Variants in MAST4 observed in about 807,000 individuals in gnomAD.
MAST4 encodes the protein microtubule associated serine/threonine kinase family member 4, also known as microtubule-associated serine/threonine-protein kinase 4.
MAST4 carries 89 observed loss-of-function variants against 162.7 expected under a neutral mutation model. The ratio of observed to expected loss-of-function variants is 0.55; its 90% confidence interval spans 0.46 to 0.65. The LOEUF is 0.65. MAST4 is among the 30% of genes least tolerant of loss of function. The probability of loss-of-function intolerance (pLI) is 0.00; values close to 1 mark genes in which losing one functional copy is unlikely to be tolerated. For missense variants in MAST4, 3,153 were observed against 3,374.0 expected (o/e 0.93, Z 1.62); for synonymous variants, 1,479 against 1,361.1 (o/e 1.09, Z -1.91).
At chr5:66,854,813 C>T (rs773187733) in intron 3 of MAST4, among the ~76,000 whole-genome samples, 1 of 152,002 alleles carries the variant, frequency 6.6e-6, no homozygotes, top group Non-Finnish European at 1.5e-5. Context: ...AAATGCTGCC[C>T]TATCAGTTAG....
intron 3 of MAST4, among the ~76,000 whole-genome samples, chr5:66,849,690 C>G (rs1210423736): frequency 6.6e-6 from 1 of 152,134 alleles, no homozygotes; most frequent in Admixed American, 6.5e-5. Flanking sequence ...CTGTAAACTT[C>G]TTAAGATCAA....
chr5:66,760,117 T>C, intron 2 of MAST4, among the ~76,000 whole-genome samples: 1 of 151,402 alleles, frequency 6.6e-6, no homozygotes, highest in African/African-American at 2.4e-5. Flanking sequence ...ATTTATTTAT[T>C]TATTTATTTT....
intron 1 of MAST4, among the ~76,000 whole-genome samples, chr5:66,724,816 ATG>A: frequency 6.6e-6 from 1 of 152,092 alleles, no homozygotes; most frequent in Middle Eastern, 3.4e-3. Context: ...ATTATAATAT[ATG>A]TGGGCTGTGG....
intron 1 of MAST4, among the ~76,000 whole-genome samples, chr5:66,700,828 T>C (rs564869948): frequency 5.4e-4 from 79 of 146,906 alleles, no homozygotes; most frequent in African/African-American, 1.7e-3. Context: ...CACACACACA[T>C]ATATACACAT....
chr5:66,727,387 C>A (rs1430944891), intron 1 of MAST4, among the ~76,000 whole-genome samples: 2 of 152,130 alleles, frequency 1.3e-5, no homozygotes, highest in Non-Finnish European at 2.9e-5. Flanking sequence ...TGGGTCAAGA[C>A]CCACGGTCTG....
In MAST4 at chr5:67,095,730, A is replaced by T; in HGVS notation, c.912+55A>T. On this transcript the variant is annotated intron_variant, in intron 7 of 28. Transcript: ENST00000403625. ...TCTTCCTCACAACAACAGAGCTATT[A>T]CACAGGCAGTGTTTTCTCTGGGTGT... 12 of 1,312,622 alleles carry T rather than the reference A, an allele frequency of 9.1e-6. No individual in the cohort carries two copies. The Admixed American group carries it at 1.7e-4, about 19-fold the overall frequency. 81.3% of individuals were successfully genotyped at this position (1,312,622 alleles called of 1,614,324 possible).
At chr5:66,998,738 G>T (rs917281687) in intron 4 of MAST4, among the ~76,000 whole-genome samples, 1 of 152,082 alleles carries the variant, frequency 6.6e-6, no homozygotes, top group East Asian at 1.9e-4. Context: ...TGGTGGTAGT[G>T]ATGGTTTAAA....
At chr5:66,889,649 C>T (rs976936179) in intron 3 of MAST4, among the ~76,000 whole-genome samples, 1 of 152,074 alleles carries the variant, frequency 6.6e-6, no homozygotes, top group Non-Finnish European at 1.5e-5. Context: ...TTTATTGAGT[C>T]GGTGCTGTCT....
intron 3 of MAST4, among the ~76,000 whole-genome samples, chr5:66,827,534 G>A (rs952775586): frequency 2.6e-5 from 4 of 152,158 alleles, no homozygotes; most frequent in African/African-American, 9.7e-5. Context: ...GAGAGCAAGC[G>A]TATTAGTGTG....
chr5:66,626,303 C>G (rs747494760), intron 1 of MAST4, among the ~76,000 whole-genome samples: 2 of 152,078 alleles, frequency 1.3e-5, no homozygotes, highest in Non-Finnish European at 2.9e-5. Flanking sequence ...AATAGAGATG[C>G]ATTTCACAAT....
At chr5:66,652,987 G>C (rs751588106) in intron 1 of MAST4, among the ~76,000 whole-genome samples, 7 of 152,176 alleles carry the variant, frequency 4.6e-5, no homozygotes, top group Non-Finnish European at 7.3e-5. Flanking sequence ...GGTTCTGTCT[G>C]TAGGGAGTAG....
intron 4 of MAST4, among the ~76,000 whole-genome samples, chr5:66,953,177 G>A (rs1744901549): frequency 1.3e-5 from 2 of 152,140 alleles, no homozygotes; most frequent in Admixed American, 6.6e-5. Context: ...CACTTTTTAA[G>A]AATATATAAA....
chr5:66,976,046 G>A (rs1485416278), intron 4 of MAST4, among the ~76,000 whole-genome samples: 3 of 152,180 alleles, frequency 2.0e-5, no homozygotes. Flanking sequence ...TCTGAGCATT[G>A]TATCCATGTG....
intron 4 of MAST4, among the ~76,000 whole-genome samples, chr5:66,935,637 T>G (rs776463082): frequency 1.3e-5 from 2 of 152,022 alleles, no homozygotes; most frequent in Non-Finnish European, 2.9e-5. Context: ...AGTTGTCAGA[T>G]GCTTCTCCAT....
chr5:67,125,916 T>C (rs1174657233), intron 14 of MAST4, among the ~76,000 whole-genome samples: 1 of 152,210 alleles, frequency 6.6e-6, no homozygotes, highest in African/African-American at 2.4e-5. Flanking sequence ...CAGCATCTGT[T>C]GTTTCCTGAC....
chr5:67,108,219 T>C (rs1561662202), intron 10 of MAST4, among the ~76,000 whole-genome samples: 3 of 152,218 alleles, frequency 2.0e-5, no homozygotes, highest in African/African-American at 7.2e-5. Context: ...CATTTCTCTT[T>C]GAAGAGACAA....
intron 1 of MAST4, among the ~76,000 whole-genome samples, chr5:66,669,278 T>C (rs1281651032): frequency 6.6e-6 from 1 of 152,158 alleles, no homozygotes; most frequent in African/African-American, 2.4e-5. Context: ...AATCTCGAAA[T>C]GTGCCATAGC....
At chr5:66,819,179 G>A (rs1039553469) in intron 3 of MAST4, among the ~76,000 whole-genome samples, 29 of 152,166 alleles carry the variant, frequency 1.9e-4, no homozygotes, top group Non-Finnish European at 4.3e-4. Context: ...AGGATGATAG[G>A]AAGTCAAACC....
At chr5:66,861,986 C>A (rs1256636074) in intron 3 of MAST4, among the ~76,000 whole-genome samples, 1 of 152,168 alleles carries the variant, frequency 6.6e-6, no homozygotes, top group African/African-American at 2.4e-5. Flanking sequence ...AGAGAGAGTT[C>A]AGATAAATGC....
Sources: gnomAD v4.1 joint callset for allele counts (sites outside exome capture counted in the v4.1 genomes callset) on GRCh38, gnomAD v4.1.1 for gene constraint, MANE v1.5 for transcripts, NCBI Gene and HGNC (gene_info 2026-07-23, HGNC 2026-07-21) for gene names.